VILL: variants seen among roughly 807,000 people sequenced by gnomAD.
The protein encoded by VILL is villin like.
In VILL, 102 loss-of-function variants were observed where a neutral mutation model predicts 106.3. The ratio of observed to expected loss-of-function variants is 0.96; its 90% CI spans 0.82 to 1.13. The LOEUF (loss-of-function observed/expected upper bound fraction) is 1.13. Ranked by LOEUF, VILL falls within the 50% of genes most tolerant of loss-of-function variation. The pLI, the probability that VILL is intolerant of heterozygous loss-of-function variation, is 0.00. For missense variants in VILL, 1,076 were observed against 1,116.6 expected, an observed-to-expected ratio of 0.96 and a Z score of 0.52; for synonymous variants, 431 against 440.3, an observed-to-expected ratio of 0.98 and a Z score of 0.27.
chr3:37,998,015 G>A lies in VILL; in HGVS notation c.765-75G>A. ...TCTGTCTCTGAGGGACTGGGGTGGG[G>A]TCCTAAATGGGGCTGGAGTGGAGAC... On this transcript the variant is annotated intron_variant, in intron 7 of 19. Coordinates refer to ENST00000383759, the MANE Select transcript of VILL (RefSeq NM_015873.4). This position sits in a 1 kb window ranked among gnomAD's most constrained non-coding sequence, Gnocchi z 4.1. 1.4e-6 allele frequency: 2 copies of A among 1,435,918 alleles called. No individual in the cohort carries two copies. Among genetic ancestry groups the A allele is most frequent in the Non-Finnish European group, 1.9e-6 (2 of 1,051,234 alleles). The allele number at this position is 1,435,918 out of a possible 1,614,324, so 88.9% of individuals were successfully genotyped here.
Position 37,998,778 on chromosome 3 carries a change from T to G in VILL, c.943-134T>G. ...AGAAGTCGGTGGTGACAGAGTCAAT[T>G]CGCTAAGTGGGTCATGAGCTCGGTT... On this transcript the variant is annotated intron_variant, in intron 9 of 19. Coordinates refer to ENST00000383759, the MANE Select transcript of VILL (RefSeq NM_015873.4). The surrounding 1 kb of genome is among the most constrained non-coding windows in gnomAD (Gnocchi z 4.1). 1 of 1,412,664 alleles carries G rather than the reference T, an allele frequency of 7.1e-7. No homozygotes were observed. Among genetic ancestry groups the G allele is most frequent in the South Asian group, 1.5e-5 (1 of 65,698 alleles). The allele number at this position is 1,412,664 out of a possible 1,614,324, so 87.5% of individuals were successfully genotyped here.
In VILL at chr3:37,997,712, TG is replaced by T; in HGVS notation, c.764+30del. 3.2e-6 allele frequency: 2 copies of T among 618,882 alleles called. No homozygotes were observed. Among genetic ancestry groups the T allele is most frequent in the Non-Finnish European group, 5.8e-6 (2 of 342,598 alleles). The allele number at this position is 618,882 out of a possible 1,614,324, so 38.3% of individuals were successfully genotyped here. A position where few individuals can be genotyped will look rare whatever the true frequency, so the allele number is the denominator to read the frequency against. ...TGAGTACCCCTGGGGTGGGCAGGGG[TG>T]GGTGGGACAGTCCAGGACTCTGTGT... On this transcript the variant is annotated intron_variant, in intron 7 of 19. Transcript: ENST00000383759. The surrounding 1 kb of genome is among the most constrained non-coding windows in gnomAD (Gnocchi z 4.7).
upstream of VILL, among the ~76,000 whole-genome samples, chr3:37,988,522 T>C (rs1015847687): frequency 6.6e-6 from 1 of 152,184 alleles, no homozygotes; most frequent in Admixed American, 6.5e-5. Context: ...GTGGCAGTGG[T>C]TGCACAACAA....
At chr3:38,003,505 C>G in intron 15 of VILL, 192 bp downstream of exon 15, 1 of 703,058 alleles carries the variant, frequency 1.4e-6, no homozygotes, top group Non-Finnish European at 2.2e-6. Flanking sequence ...ACTTGCGTCT[C>G]TCAGATGCTG....
rs1559367745 is a variant in VILL at position 38,004,289 on chromosome 3, CTGTT to C, written c.1843_1846del (p.Phe615SerfsTer58). On this transcript the variant is annotated frameshift_variant, in exon 16 of 20. Coordinates refer to ENST00000383759, the MANE Select transcript of VILL (RefSeq NM_015873.4). LOFTEE classifies it high-confidence loss of function. ...GGAGGTCCCCAGCTTCCAGCCACGACTGTTTGAGTGCTCCAGCCACATGGGCTGC... is the reference window on the plus strand; with the variant it reads ...GGAGGTCCCCAGCTTCCAGCCACGACTGAGTGCTCCAGCCACATGGGCTGC... The C allele has an allele frequency of 2.5e-6, 4 of 1,613,798 alleles. No homozygotes were observed. Among genetic ancestry groups the C allele is most frequent in the East Asian group, 2.2e-5 (1 of 44,876 alleles).
intron 15 of VILL, 42 bp from the exon 16 acceptor site, chr3:38,004,213 C>A: frequency 6.3e-7 from 1 of 1,577,812 alleles, no homozygotes; most frequent in South Asian, 1.1e-5. Flanking sequence ...GGCTGGGGTG[C>A]CCCTCTGGGT....
intron 16 of VILL, among the ~76,000 whole-genome samples, chr3:38,005,284 C>T (rs1024797046): frequency 1.3e-5 from 2 of 152,168 alleles, no homozygotes; most frequent in South Asian, 2.1e-4. Context: ...CCTGCTCCCC[C>T]CTCACTGCTT....
chr3:38,001,383 C>G (rs140345498), intron 11 of VILL, 73 bp from the exon 12 acceptor site: 2 of 1,582,372 alleles, frequency 1.3e-6, no homozygotes, highest in African/African-American at 2.7e-5. Flanking sequence ...GAGAGCTTTC[C>G]GGTTGGGTAC....
At chr3:37,989,734 G>A (rs557306477), upstream of VILL, among the ~76,000 whole-genome samples, 3 of 152,282 alleles carry the variant, frequency 2.0e-5, no homozygotes, top group Admixed American at 6.5e-5. Context: ...CAGGGTCCCT[G>A]TCCCAAGTGG....
At chr3:37,989,388 C>G (rs762709670), upstream of VILL, among the ~76,000 whole-genome samples, 3 of 152,146 alleles carry the variant, frequency 2.0e-5, no homozygotes, top group Non-Finnish European at 4.4e-5. Context: ...AGCCTTCAGA[C>G]TGGAACTGGG....
intron 1 of VILL, among the ~76,000 whole-genome samples, chr3:37,991,376 C>G (rs1326390814): frequency 6.8e-6 from 1 of 146,630 alleles, no homozygotes; most frequent in Non-Finnish European, 1.5e-5. Context: ...GAAGGAAAGA[C>G]CTGGGGAGGA....
upstream of VILL, among the ~76,000 whole-genome samples, chr3:37,988,734 T>C (rs372888482): frequency 9.9e-5 from 15 of 152,114 alleles, no homozygotes; most frequent in Admixed American, 9.2e-4. Flanking sequence ...TGGTGGTGCA[T>C]GCCTGTAATC....
rs118101187 is a variant in VILL at position 37,991,879 on chromosome 3, A to G, written c.-87+1050A>G. Among the ~76,000 whole-genome samples, 29 of 152,164 alleles carry G rather than the reference A, an allele frequency of 1.9e-4. No homozygotes were observed. The East Asian group carries it at 3.9e-3, about 20-fold the overall frequency. On this transcript the variant is annotated intron_variant, in intron 1 of 19. Coordinates refer to ENST00000383759, the MANE Select transcript of VILL (RefSeq NM_015873.4). The stretch of plus-strand genomic sequence containing the variant: ...ACTGTGGGGAGGGAGGAGGCCCCCA[A>G]TCTTTGAGCACCCATTCCTCCCTGG...
At chr3:38,002,773 G>A (rs543008377) in intron 14 of VILL, 198 bp downstream of exon 14, 68 of 652,590 alleles carry the variant, frequency 1.0e-4, no homozygotes, top group Admixed American at 4.2e-4. Flanking sequence ...CTGAGAGTCC[G>A]CAGGTCAGAG....
rs1699837922 is a variant in VILL at position 38,002,536 on chromosome 3, G to T, written c.1620G>T (p.Leu540Phe). The change falls in exon 14 of 20, where the codon TTG becomes TTT. Residue 540 changes from leucine to phenylalanine, a missense_variant. Coordinates refer to ENST00000383759, the MANE Select transcript of VILL (RefSeq NM_015873.4). ...ASSLNSSDIF[L>F]LVTASVCYLW... The stretch of plus-strand genomic sequence containing the variant: ...CCCTCAACTCCAGTGACATCTTCTT[G>T]CTGGTCACAGCCAGCGTCTGCTACC... The T allele has an allele frequency of 1.9e-6, 3 of 1,614,170 alleles. No homozygotes were observed. The East Asian group carries it at 6.7e-5, about 36-fold the overall frequency.
Position 37,997,266 on chromosome 3 carries a change from C to A in VILL, c.561+79C>A. 1 of 1,467,258 alleles carries A rather than the reference C, an allele frequency of 6.8e-7. No homozygotes were observed. The highest frequency in any genetic ancestry group is 9.5e-7 in the Non-Finnish European group (1 of 1,054,420). 90.9% of individuals were successfully genotyped at this position (1,467,258 alleles called of 1,614,324 possible). ...CTCCAGTTGACCATCCTCCGGCCACCCAAAGAGTTGGGCTTGGCTCTGCTA... is the reference window on the plus strand; with the variant it reads ...CTCCAGTTGACCATCCTCCGGCCACACAAAGAGTTGGGCTTGGCTCTGCTA... On this transcript the variant is annotated intron_variant, in intron 6 of 19. Transcript: ENST00000383759. This position sits in a 1 kb window ranked among gnomAD's most constrained non-coding sequence, Gnocchi z 4.7.
Position 38,003,157 on chromosome 3 carries a change from TTGCCTGCTAGGGC to T in VILL, c.1660-8_1664del. ...CTCATGCAGGGCCTGAGCCATCTCT[TTGCCTGCTAGGGC>T]TGTAATGGTGATCAGCGTGAGATGG... On this transcript the variant is annotated splice_acceptor_variant and splice_polypyrimidine_tract_variant and coding_sequence_variant and intron_variant, in exon 15 of 20. Coordinates refer to ENST00000383759, the MANE Select transcript of VILL (RefSeq NM_015873.4). LOFTEE classifies it high-confidence loss of function. The T allele has an allele frequency of 6.2e-7, 1 of 1,613,256 alleles. No individual in the cohort carries two copies. Among genetic ancestry groups the T allele is most frequent in the Non-Finnish European group, 8.5e-7 (1 of 1,179,616 alleles).
intron 15 of VILL, 130 bp from the exon 16 acceptor site, chr3:38,004,125 G>A (rs1053005033): frequency 7.7e-5 from 99 of 1,288,518 alleles, no homozygotes; most frequent in African/African-American, 1.0e-4. Flanking sequence ...GAGAAACCAC[G>A]GGGCTCAGAG....
In VILL at chr3:37,998,392, A is replaced by C; in HGVS notation, c.942+28A>C. 1 of 1,603,224 alleles carries C rather than the reference A, an allele frequency of 6.2e-7. No homozygotes were observed. The highest frequency in any genetic ancestry group is 1.1e-5 in the South Asian group (1 of 90,776). Reference sequence around the variant, plus strand: ...GAGCCCTGGGGCTCTGTCTGAGAGGAACAGAGCACTGCCCTGGGGTCTGAG... The same window carrying C: ...GAGCCCTGGGGCTCTGTCTGAGAGGCACAGAGCACTGCCCTGGGGTCTGAG... On this transcript the variant is annotated intron_variant, in intron 9 of 19. Coordinates refer to ENST00000383759, the MANE Select transcript of VILL (RefSeq NM_015873.4). This position sits in a 1 kb window ranked among gnomAD's most constrained non-coding sequence, Gnocchi z 4.1.
Sources: gnomAD v4.1 joint callset for allele counts (sites outside exome capture counted in the v4.1 genomes callset) on GRCh38, gnomAD v4.1.1 for gene constraint, Gnocchi (gnomAD v3.1) non-coding constraint, MANE v1.5 for transcripts, NCBI Gene and HGNC (gene_info 2026-07-23, HGNC 2026-07-21) for gene names.